PKHD1: variants seen among roughly 807,000 people sequenced by gnomAD.
The protein encoded by PKHD1 is PKHD1 ciliary IPT domain containing fibrocystin/polyductin, also known as fibrocystin.
In PKHD1, 291 loss-of-function variants were observed where a neutral mutation model predicts 412.0. The ratio of observed to expected loss-of-function variants is 0.71; its 90% CI spans 0.64 to 0.78. The LOEUF is 0.78. Among genes scored for constraint, PKHD1 ranks in the 30% least tolerant of loss-of-function variants. The probability of loss-of-function intolerance (pLI) is 0.00; values close to 1 mark genes in which losing one functional copy is unlikely to be tolerated. For missense variants in PKHD1, 4,825 were observed against 4,950.7 expected (o/e 0.97, Z 0.76); for synonymous variants, 1,777 against 1,821.5 (o/e 0.98, Z 0.62).
chr6:51,682,331 T>C, intron 60 of PKHD1: 3 of 425,636 alleles, frequency 7.0e-6, no homozygotes, highest in South Asian at 3.4e-5. Context: ...CTTTTTCTAA[T>C]ACCTGAGCAT....
At chr6:51,745,100 T>C (rs867235303) in intron 59 of PKHD1, among the ~76,000 whole-genome samples, 2 of 152,144 alleles carry the variant, frequency 1.3e-5, no homozygotes, top group African/African-American at 4.8e-5. Context: ...AGAGAACTTA[T>C]TTTATTTCCC....
At chr6:51,627,988 CAA>C (rs1767476141) in intron 65 of PKHD1, among the ~76,000 whole-genome samples, 1 of 152,046 alleles carries the variant, frequency 6.6e-6, no homozygotes, top group African/African-American at 2.4e-5. Flanking sequence ...AGAGGACAAA[CAA>C]ATAAATTTGT....
At chr6:51,950,210 G>GAGAAA (rs1554156558) in intron 36 of PKHD1, among the ~76,000 whole-genome samples, 3 of 113,122 alleles carry the variant, frequency 2.7e-5, no homozygotes, top group Admixed American at 1.0e-4. Flanking sequence ...GCAATATAGA[G>GAGAAA]AAAAAAAAAA....
At chr6:51,867,224 A>T (rs1264832881) in intron 48 of PKHD1, among the ~76,000 whole-genome samples, 1 of 152,196 alleles carries the variant, frequency 6.6e-6, no homozygotes, top group Non-Finnish European at 1.5e-5. Flanking sequence ...AGAACCCTAG[A>T]CATTCAGCAA....
chr6:52,003,587 G>T (rs1798703270), intron 35 of PKHD1, among the ~76,000 whole-genome samples: 2 of 152,080 alleles, frequency 1.3e-5, no homozygotes, highest in Admixed American at 1.3e-4. Flanking sequence ...ATGTCACTAA[G>T]GACCTCTTTA....
chr6:51,914,268 A>T (rs1331526692), intron 37 of PKHD1, among the ~76,000 whole-genome samples: 1 of 152,174 alleles, frequency 6.6e-6, no homozygotes, highest in Admixed American at 6.6e-5. Flanking sequence ...AAAAATTCAC[A>T]GATAATCTTT....
chr6:51,729,645 G>C (rs944302174), intron 60 of PKHD1, among the ~76,000 whole-genome samples: 6 of 152,240 alleles, frequency 3.9e-5, no homozygotes, highest in African/African-American at 1.4e-4. Context: ...ATGACAAAAA[G>C]CTAAGAAAAG....
At chr6:51,678,224 T>C (rs1776150022) in intron 60 of PKHD1, among the ~76,000 whole-genome samples, 2 of 152,162 alleles carry the variant, frequency 1.3e-5, no homozygotes, top group Admixed American at 6.6e-5. Flanking sequence ...GACAAGTTAC[T>C]TATCCTCCCT....
intron 60 of PKHD1, among the ~76,000 whole-genome samples, chr6:51,670,313 G>A (rs1256083252): frequency 1.1e-4 from 17 of 152,066 alleles, no homozygotes; most frequent in East Asian, 7.7e-4. Flanking sequence ...GGCCTTCTTC[G>A]TCTCTTTTGA....
chr6:51,842,785 G>C (rs1444690006), intron 50 of PKHD1, among the ~76,000 whole-genome samples: 1 of 152,176 alleles, frequency 6.6e-6, no homozygotes, highest in African/African-American at 2.4e-5. Flanking sequence ...TGATGCTTTG[G>C]GGGACCCAGC....
At chr6:51,697,702 C>T (rs1004148064) in intron 60 of PKHD1, among the ~76,000 whole-genome samples, 2 of 152,200 alleles carry the variant, frequency 1.3e-5, no homozygotes, top group African/African-American at 4.8e-5. Flanking sequence ...TCTTCACATA[C>T]CCTGTTCTTA....
chr6:51,817,885 T>C (rs1394905952), intron 52 of PKHD1, among the ~76,000 whole-genome samples: 3 of 152,090 alleles, frequency 2.0e-5, no homozygotes, highest in Non-Finnish European at 2.9e-5. Flanking sequence ...GTGCAGAACA[T>C]TCACCACCTC....
At chr6:51,741,212 T>C (rs1177452269) in intron 60 of PKHD1, 3 of 518,658 alleles carry the variant, frequency 5.8e-6, no homozygotes, top group African/African-American at 5.8e-5. Context: ...AACACTCTTA[T>C]GATTAAACAT....
chr6:51,741,114 C>T (rs1234095132), intron 60 of PKHD1: 1 of 518,804 alleles, frequency 1.9e-6, no homozygotes, highest in Non-Finnish European at 3.8e-6. Flanking sequence ...TGAGAAAAAG[C>T]AAATATTCTA....
intron 27 of PKHD1, among the ~76,000 whole-genome samples, chr6:52,037,644 TCTC>T (rs1562200188): frequency 6.6e-6 from 1 of 152,198 alleles, no homozygotes; most frequent in Non-Finnish European, 1.5e-5. Context: ...ATATTCTTCT[TCTC>T]CTATAAAATA....
intron 43 of PKHD1, among the ~76,000 whole-genome samples, chr6:51,890,323 G>A (rs768547441): frequency 2.6e-5 from 4 of 152,136 alleles, no homozygotes; most frequent in Admixed American, 6.5e-5. Context: ...ATAATAGGGT[G>A]CAAGTGAAGA....
At chr6:51,837,392 C>A (rs1344893397) in intron 50 of PKHD1, among the ~76,000 whole-genome samples, 1 of 152,096 alleles carries the variant, frequency 6.6e-6, no homozygotes, top group Non-Finnish European at 1.5e-5. Flanking sequence ...GAAATAAACA[C>A]AGGATCATTC....
At chr6:51,795,552 T>C (rs1189392288) in intron 52 of PKHD1, among the ~76,000 whole-genome samples, 2 of 152,212 alleles carry the variant, frequency 1.3e-5, no homozygotes, top group Admixed American at 6.5e-5. Context: ...TGGCCAGAAC[T>C]TCCAATACTA....
At chr6:51,911,754 T>A in intron 39 of PKHD1, 45 bp downstream of exon 39, 1 of 1,521,514 alleles carries the variant, frequency 6.6e-7, no homozygotes, top group South Asian at 1.1e-5. Context: ...ACAGTAAGAA[T>A]ATTCTTTTTT....
Sources: gnomAD v4.1 joint callset for allele counts (sites outside exome capture counted in the v4.1 genomes callset) on GRCh38, gnomAD v4.1.1 for gene constraint, MANE v1.5 for transcripts, NCBI Gene and HGNC (gene_info 2026-07-23, HGNC 2026-07-21) for gene names.